CNNM2: variants seen among roughly 807,000 people sequenced by gnomAD.
The protein encoded by CNNM2 is cyclin and CBS domain divalent metal cation transport mediator 2.
In CNNM2, 12 loss-of-function variants were observed where a neutral mutation model predicts 66.9. That is an observed-to-expected ratio of 0.18 (90% confidence interval 0.11 to 0.29). CNNM2 has a LOEUF of 0.29. Ranked by LOEUF, CNNM2 falls within the 10% of genes least tolerant of loss-of-function variation. The probability of loss-of-function intolerance (pLI) is 1.00; values close to 1 mark genes in which losing one functional copy is unlikely to be tolerated. For synonymous variants in CNNM2, 557 were observed against 501.8 expected (o/e 1.11, Z -1.47); for missense variants, 705 against 1,167.7 (o/e 0.60, Z 5.77).
At chr10:102,936,199 C>T (rs954943004) in intron 1 of CNNM2, among the ~76,000 whole-genome samples, 23 of 151,974 alleles carry the variant, frequency 1.5e-4, no homozygotes, top group African/African-American at 3.9e-4. Context: ...TGCGGAGTGG[C>T]GTTTGGGTTT....
rs1007650094 is a variant in CNNM2, at chr10:103,021,716, G to A, written c.1622-27991G>A. Reference sequence around the variant, plus strand: ...TTCATTGTTAATCATCCGGGTTAAAGGGCAACATTGTCGGTGTTCTCCTTT... The same window carrying A: ...TTCATTGTTAATCATCCGGGTTAAAAGGCAACATTGTCGGTGTTCTCCTTT... On this transcript the variant is annotated intron_variant, in intron 1 of 7. Transcript: ENST00000369878. Among the ~76,000 whole-genome samples the A allele has an allele frequency of 2.0e-5, 3 of 152,090 alleles. No individual in the cohort carries two copies. In the South Asian group the frequency reaches 6.2e-4, roughly 32 times the overall value.
At chr10:102,942,922 G>A (rs1257965833) in intron 1 of CNNM2, among the ~76,000 whole-genome samples, 1 of 152,056 alleles carries the variant, frequency 6.6e-6, no homozygotes, top group Non-Finnish European at 1.5e-5. Flanking sequence ...TTTAAAAACT[G>A]CATTGCAGTC....
intron 1 of CNNM2, among the ~76,000 whole-genome samples, chr10:103,035,979 C>G (rs17115372): frequency 6.6e-6 from 1 of 152,176 alleles, no homozygotes; most frequent in African/African-American, 2.4e-5. Context: ...TCTTCTTATA[C>G]GCATCAGTCA....
chr10:102,934,664 A>G (rs1846173582), intron 1 of CNNM2, among the ~76,000 whole-genome samples: 1 of 152,100 alleles, frequency 6.6e-6, no homozygotes, highest in Non-Finnish European at 1.5e-5. Context: ...AGATAAGCAC[A>G]GAAAGACTAG....
intron 1 of CNNM2, among the ~76,000 whole-genome samples, chr10:103,015,838 G>A (rs1220402220): frequency 6.6e-6 from 1 of 152,058 alleles, no homozygotes; most frequent in Non-Finnish European, 1.5e-5. Flanking sequence ...GGGCAAGAGA[G>A]CAAGACTCCA....
chr10:103,023,527 G>A lies in CNNM2; in HGVS notation c.1622-26180G>A, dbSNP rs1338687869. Among the ~76,000 whole-genome samples, 10 of 152,192 alleles carry A rather than the reference G, an allele frequency of 6.6e-5. No homozygotes were observed. In the East Asian group the frequency reaches 1.9e-3, roughly 30 times the overall value. On this transcript the variant is annotated intron_variant, in intron 1 of 7. Transcript: ENST00000369878. ...CGTGCCATTGCACTCCAGCCTGGGC[G>A]ACAAGAGTGAAACTCTGTTCCCCCC...
chr10:103,012,857 C>T (rs2064371567), intron 1 of CNNM2, among the ~76,000 whole-genome samples: 1 of 152,152 alleles, frequency 6.6e-6, no homozygotes. Context: ...TGAACATTCT[C>T]CAGTGCTATC....
In CNNM2 at chr10:103,089,871, T is replaced by A; in HGVS notation, c.*12691T>A. The A allele has an allele frequency of 1.2e-6, 2 of 1,613,180 alleles. No homozygotes were observed. Among genetic ancestry groups the A allele is most frequent in the African/African-American group, 2.7e-5 (2 of 75,014 alleles). The stretch of plus-strand genomic sequence containing the variant: ...AAGAGGAGACTCCATCTCATTGATA[T>A]CTACGTGTGTGTGCTCCACCGTTGA... On this transcript the variant is annotated 3_prime_UTR_variant, in exon 8 of 8. Transcript: ENST00000369878.
intron 1 of CNNM2, among the ~76,000 whole-genome samples, chr10:103,043,302 T>G (rs1006706814): frequency 6.6e-6 from 1 of 152,230 alleles, no homozygotes; most frequent in African/African-American, 2.4e-5. Context: ...CACAGCTATA[T>G]CACGTTGTTC....
In CNNM2 at chr10:103,062,189, G is replaced by A. The variant is rs12780116; in HGVS notation, c.2073+5225G>A. 0.11 allele frequency among the ~76,000 whole-genome samples: 17,173 copies of A among 152,182 alleles called. 1,148 individuals are homozygous for A. Among genetic ancestry groups the A allele is most frequent in the Non-Finnish European group, 0.15 (9,944 of 68,004 alleles). Reference sequence around the variant, plus strand: ...TGGAAGAAGTGGAAAGCATGTGCCCGGCCCATCCACACTCTTTTTTAGAGC... The same window carrying A: ...TGGAAGAAGTGGAAAGCATGTGCCCAGCCCATCCACACTCTTTTTTAGAGC... On this transcript the variant is annotated intron_variant, in intron 4 of 7. Transcript: ENST00000369878.
chr10:103,026,625 A>AT (rs768084677), intron 1 of CNNM2, among the ~76,000 whole-genome samples: 3 of 144,598 alleles, frequency 2.1e-5, no homozygotes, highest in Non-Finnish European at 3.0e-5. Context: ...AAAAAAAAAA[A>AT]GGTTTGGAAA....
chr10:102,995,164 C>CTCT (rs2063969387), intron 1 of CNNM2, among the ~76,000 whole-genome samples: 2 of 139,180 alleles, frequency 1.4e-5, no homozygotes, highest in African/African-American at 2.7e-5. Flanking sequence ...CCTCTTCCTC[C>CTCT]TCCTCCCCCT....
intron 1 of CNNM2, among the ~76,000 whole-genome samples, chr10:102,941,773 T>G (rs1197341252): frequency 6.6e-6 from 1 of 152,222 alleles, no homozygotes; most frequent in Non-Finnish European, 1.5e-5. Context: ...GTACTATATC[T>G]TATTCATCTT....
intron 1 of CNNM2, among the ~76,000 whole-genome samples, chr10:103,012,609 C>CT (rs945864778): frequency 9.4e-5 from 14 of 149,414 alleles, no homozygotes; most frequent in African/African-American, 3.2e-4. Context: ...GATTGCACCA[C>CT]TGCACTCCAG....
At chr10:103,009,360 T>C (rs779753668) in intron 1 of CNNM2, among the ~76,000 whole-genome samples, 1 of 152,112 alleles carries the variant, frequency 6.6e-6, no homozygotes, top group African/African-American at 2.4e-5. Flanking sequence ...TTGAGTTAAC[T>C]AAAAAATTGG....
At chr10:103,033,339 C>T (rs1401911648) in intron 1 of CNNM2, among the ~76,000 whole-genome samples, 2 of 152,080 alleles carry the variant, frequency 1.3e-5, no homozygotes, top group Non-Finnish European at 2.9e-5. Context: ...CAGGCGCCCA[C>T]CACCAGGCCC....
At chr10:103,051,600 C>T (rs368589396) in intron 2 of CNNM2, among the ~76,000 whole-genome samples, 14 of 151,998 alleles carry the variant, frequency 9.2e-5, no homozygotes, top group African/African-American at 3.1e-4. Flanking sequence ...ATCAGCTGGG[C>T]ATGGTGGCAC....
chr10:102,960,062 AAAAT>A (rs58969618), intron 1 of CNNM2, among the ~76,000 whole-genome samples: 20 of 151,734 alleles, frequency 1.3e-4, no homozygotes, highest in East Asian at 3.9e-4. Flanking sequence ...AAAAAAATAA[AAAAT>A]AAATAAATAA....
At chr10:102,995,825 C>T (rs1242400476) in intron 1 of CNNM2, among the ~76,000 whole-genome samples, 1 of 151,884 alleles carries the variant, frequency 6.6e-6, no homozygotes, top group East Asian at 1.9e-4. Flanking sequence ...CTCAGCCTCC[C>T]GAGTAGCCGG....
Sources: allele counts gnomAD v4.1 joint callset (sites outside exome capture counted in the v4.1 genomes callset), GRCh38; gene constraint gnomAD v4.1.1; transcripts MANE v1.5; gene names NCBI Gene and HGNC (gene_info 2026-07-23, HGNC 2026-07-21).